LRRTM4: variants seen among roughly 807,000 people sequenced by gnomAD.
LRRTM4 encodes leucine-rich repeat transmembrane neuronal protein 4.
LRRTM4 carries 25 observed loss-of-function variants against 47.6 expected under a neutral mutation model. That is an observed-to-expected ratio of 0.53 (90% CI 0.38 to 0.73). LRRTM4 has a LOEUF of 0.73. Among genes scored for constraint, LRRTM4 ranks in the 30% least tolerant of loss-of-function variants. LRRTM4 has a pLI of 0.00. For synonymous variants in LRRTM4, 311 were observed against 269.5 expected, an observed-to-expected ratio of 1.15 and a Z score of -1.51; for missense variants, 638 against 713.4, an observed-to-expected ratio of 0.89 and a Z score of 1.20.
chr2:77,289,829 T>A (rs779473226), intron 3 of LRRTM4, among the ~76,000 whole-genome samples: 1 of 152,026 alleles, frequency 6.6e-6, no homozygotes, highest in Non-Finnish European at 1.5e-5. Context: ...CAATATTTAA[T>A]CTATTTTACT....
chr2:77,339,314 AT>A (rs776814154), intron 3 of LRRTM4, among the ~76,000 whole-genome samples: 1 of 151,992 alleles, frequency 6.6e-6, no homozygotes, highest in Non-Finnish European at 1.5e-5. Flanking sequence ...TTTCTTAAGA[AT>A]TTTTTCAAAT....
At chr2:76,814,033 A>C (rs1670825716) in intron 3 of LRRTM4, among the ~76,000 whole-genome samples, 1 of 152,000 alleles carries the variant, frequency 6.6e-6, no homozygotes, top group Non-Finnish European at 1.5e-5. Context: ...TGTGTCTCAG[A>C]CTTTCCTTAC....
intron 3 of LRRTM4, among the ~76,000 whole-genome samples, chr2:77,130,567 A>G (rs1347294948): frequency 6.6e-6 from 1 of 151,946 alleles, no homozygotes; most frequent in Non-Finnish European, 1.5e-5. Context: ...GCTGGAGTGC[A>G]GTGGCAGAAT....
chr2:77,175,575 C>G (rs1292659418), intron 3 of LRRTM4, among the ~76,000 whole-genome samples: 1 of 152,130 alleles, frequency 6.6e-6, no homozygotes, highest in East Asian at 1.9e-4. Flanking sequence ...ACTATCACAG[C>G]TGTAAATCAT....
chr2:76,987,065 G>A (rs1274822117), intron 3 of LRRTM4, among the ~76,000 whole-genome samples: 1 of 151,624 alleles, frequency 6.6e-6, no homozygotes, highest in Non-Finnish European at 1.5e-5. Flanking sequence ...AATAAAATCT[G>A]GAGTATTTTC....
At chr2:77,333,249 G>T (rs1671036993) in intron 3 of LRRTM4, among the ~76,000 whole-genome samples, 1 of 152,122 alleles carries the variant, frequency 6.6e-6, no homozygotes, top group Non-Finnish European at 1.5e-5. Flanking sequence ...CCAGGAGTGG[G>T]GTTCTTCTAT....
intron 3 of LRRTM4, among the ~76,000 whole-genome samples, chr2:77,033,526 A>G (rs1189008666): frequency 6.6e-6 from 1 of 151,962 alleles, no homozygotes; most frequent in Non-Finnish European, 1.5e-5. Flanking sequence ...TGTACCGAAT[A>G]TCAATTTTAT....
chr2:77,196,164 T>C (rs1196843141), intron 3 of LRRTM4, among the ~76,000 whole-genome samples: 1 of 152,208 alleles, frequency 6.6e-6, no homozygotes, highest in Non-Finnish European at 1.5e-5. Context: ...ATTTATATGC[T>C]TTTTTCCTTT....
chr2:76,779,774 A>G (rs1029819181), intron 3 of LRRTM4, among the ~76,000 whole-genome samples: 3 of 152,044 alleles, frequency 2.0e-5, no homozygotes, highest in African/African-American at 7.2e-5. Context: ...TAAAGATAAT[A>G]TTGTTTTGTG....
At chr2:77,072,221 G>A (rs1273076820) in intron 3 of LRRTM4, among the ~76,000 whole-genome samples, 2 of 151,982 alleles carry the variant, frequency 1.3e-5, no homozygotes, top group Non-Finnish European at 1.5e-5. Flanking sequence ...CCATAAAAAT[G>A]GGGAAAAATT....
chr2:76,805,959 C>T (rs759757713), intron 3 of LRRTM4, among the ~76,000 whole-genome samples: 2 of 152,076 alleles, frequency 1.3e-5, no homozygotes, highest in Non-Finnish European at 2.9e-5. Context: ...ATTTCTATCT[C>T]GAAGGACCAC....
At chr2:77,177,105 T>C (rs1035066460) in intron 3 of LRRTM4, among the ~76,000 whole-genome samples, 45 of 152,154 alleles carry the variant, frequency 3.0e-4, no homozygotes, top group African/African-American at 9.9e-4. Context: ...ACCACAAAAA[T>C]AGCCAACCAG....
intron 3 of LRRTM4, among the ~76,000 whole-genome samples, chr2:77,020,381 G>T (rs920972195): frequency 6.6e-6 from 1 of 152,020 alleles, no homozygotes; most frequent in African/African-American, 2.4e-5. Context: ...GACATTAAAA[G>T]TATTGGCAAA....
At chr2:77,325,276 GCAAAGGA>G (rs1160238407) in intron 3 of LRRTM4, among the ~76,000 whole-genome samples, 1 of 152,108 alleles carries the variant, frequency 6.6e-6, no homozygotes, top group Non-Finnish European at 1.5e-5. Context: ...TGAGCACTTG[GCAAAGGA>G]CAAAAAGATT....
At chr2:77,465,468 T>C (rs1676948454) in intron 3 of LRRTM4, among the ~76,000 whole-genome samples, 1 of 152,134 alleles carries the variant, frequency 6.6e-6, no homozygotes. Context: ...GTCACAGCTG[T>C]TAATAACGTG....
intron 3 of LRRTM4, among the ~76,000 whole-genome samples, chr2:77,238,539 A>G (rs1675173274): frequency 6.8e-6 from 1 of 146,180 alleles, no homozygotes. Context: ...AAACCACACT[A>G]GCAGGCACAA....
chr2:77,472,017 G>T (rs1165673411), intron 3 of LRRTM4, among the ~76,000 whole-genome samples: 1 of 152,118 alleles, frequency 6.6e-6, no homozygotes, highest in Non-Finnish European at 1.5e-5. Flanking sequence ...CACCTTCGGG[G>T]CACCAGCTGA....
At chr2:77,449,978 T>C (rs1316026673) in intron 3 of LRRTM4, among the ~76,000 whole-genome samples, 2 of 152,194 alleles carry the variant, frequency 1.3e-5, no homozygotes, top group African/African-American at 4.8e-5. Context: ...ACCAAGTCTA[T>C]AGTAATAATG....
rs1558588118 is a variant in LRRTM4 at position 77,116,394 on chromosome 2, G to A, written c.1552-367478C>T. On this transcript the variant is annotated intron_variant, in intron 3 of 3. Transcript: ENST00000409884. ...CAAATTGAACATTTAAACATTGTATGTAGAGAAACATATAAGAATAAAGAA... is the reference window on the plus strand; with the variant it reads ...CAAATTGAACATTTAAACATTGTATATAGAGAAACATATAAGAATAAAGAA... Among the ~76,000 whole-genome samples the A allele has an allele frequency of 2.0e-5, 3 of 152,126 alleles. No homozygotes were observed. The South Asian group carries it at 6.2e-4, about 32-fold the overall frequency.
Sources: allele counts gnomAD v4.1 joint callset (sites outside exome capture counted in the v4.1 genomes callset), GRCh38; gene constraint gnomAD v4.1.1; transcripts MANE v1.5; gene names NCBI Gene and HGNC (gene_info 2026-07-23, HGNC 2026-07-21).